JPH1: variants seen among roughly 807,000 people sequenced by gnomAD.
JPH1 encodes junctophilin-1.
Under a neutral mutation model 53.6 loss-of-function variants are expected in JPH1, and 12 were observed. The observed-to-expected ratio is 0.22, with a 90% CI of 0.14 to 0.36. The LOEUF is 0.36. JPH1 is among the 10% of genes least tolerant of loss of function. The pLI, the probability that JPH1 is intolerant of heterozygous loss-of-function variation, is 1.00. For synonymous variants in JPH1, 375 were observed against 363.8 expected, an observed-to-expected ratio of 1.03 and a Z score of -0.35; for missense variants, 808 against 905.5, an observed-to-expected ratio of 0.89 and a Z score of 1.38.
intron 2 of JPH1, among the ~76,000 whole-genome samples, chr8:74,305,190 A>G (rs1055778946): frequency 6.6e-5 from 10 of 152,248 alleles, no homozygotes; most frequent in Admixed American, 6.5e-4. Flanking sequence ...TAGTCTTGCA[A>G]GCGTCCAGTT....
rs1805929921 is a variant in JPH1 at position 74,248,438 on chromosome 8, A to G, written c.1259-3263T>C. On this transcript the variant is annotated intron_variant, in intron 3 of 5. Coordinates refer to ENST00000342232, the MANE Select transcript of JPH1 (RefSeq NM_020647.4). ...TGGCCAGATATTTTAATAAGTATGA[A>G]TTGAAGCCTAGAAATATTAATGTTT... 4.6e-5 allele frequency among the ~76,000 whole-genome samples: 7 copies of G among 152,350 alleles called. No individual in the cohort carries two copies. In the South Asian group the frequency reaches 1.4e-3, roughly 32 times the overall value.
intron 1 of JPH1, among the ~76,000 whole-genome samples, chr8:74,317,775 A>T (rs1032828628): frequency 1.3e-5 from 2 of 152,332 alleles, no homozygotes; most frequent in Admixed American, 1.3e-4. Context: ...CCATCTTGGT[A>T]AATGTTTAAC....
At chr8:74,287,798 T>C (rs987417189) in intron 2 of JPH1, among the ~76,000 whole-genome samples, 1 of 152,166 alleles carries the variant, frequency 6.6e-6, no homozygotes, top group Non-Finnish European at 1.5e-5. Context: ...TAACAAACAG[T>C]TGCATTCAAA....
intron 2 of JPH1, among the ~76,000 whole-genome samples, chr8:74,266,240 A>C (rs1457564752): frequency 1.3e-5 from 2 of 152,120 alleles, no homozygotes; most frequent in African/African-American, 4.8e-5. Context: ...TGAATGAATA[A>C]ACAAAATGTG....
chr8:74,243,209 T>C (rs1345956942), intron 4 of JPH1, among the ~76,000 whole-genome samples: 5 of 152,240 alleles, frequency 3.3e-5, no homozygotes, highest in Non-Finnish European at 4.4e-5. Context: ...CTATTACATT[T>C]AACAAATTCA....
intron 3 of JPH1, among the ~76,000 whole-genome samples, chr8:74,255,887 A>T (rs1806208020): frequency 6.6e-6 from 1 of 152,172 alleles, no homozygotes; most frequent in South Asian, 2.1e-4. Context: ...AAAAGTCAGG[A>T]GACAACAGGT....
intron 2 of JPH1, among the ~76,000 whole-genome samples, chr8:74,275,135 T>G (rs979015241): frequency 6.6e-6 from 1 of 152,104 alleles, no homozygotes; most frequent in African/African-American, 2.4e-5. Flanking sequence ...ATCTTAGAAA[T>G]GTTAAGTTAA....
At chr8:74,287,976 A>G (rs1032499348) in intron 2 of JPH1, among the ~76,000 whole-genome samples, 6 of 151,722 alleles carry the variant, frequency 4.0e-5, no homozygotes, top group Admixed American at 3.9e-4. Context: ...TTTTTCAGCT[A>G]GAAAACCCTT....
intron 2 of JPH1, 74 bp from the exon 3 acceptor site, chr8:74,259,577 T>A: frequency 9.2e-7 from 1 of 1,092,454 alleles, no homozygotes; most frequent in South Asian, 1.9e-5. Flanking sequence ...CAAATTGTAA[T>A]CTGGGAAAAG....
chr8:74,305,545 A>G (rs1165919728), intron 2 of JPH1, among the ~76,000 whole-genome samples: 1 of 152,226 alleles, frequency 6.6e-6, no homozygotes, highest in Non-Finnish European at 1.5e-5. Context: ...GGGCTAAATG[A>G]GCTGGAATCT....
rs1808099365 is a variant in JPH1 at position 74,314,956 on chromosome 8, T to C, written c.1044A>G (p.Arg348=). 9.9e-6 allele frequency: 16 copies of C among 1,614,128 alleles called. No individual in the cohort carries two copies. Among genetic ancestry groups the C allele is most frequent in the Admixed American group, 3.3e-5 (2 of 60,014 alleles). ...RGIRKQLIPI[R]HTKTREKVDR... ...CCACCTTCTCCCTAGTTTTTGTATG[T>C]CTTATTGGTATAAGCTGCTTCCTTA... The change falls in exon 2 of 6, where the codon AGA becomes AGG. Residue 348 remains arginine, a synonymous_variant. Coordinates refer to ENST00000342232, the MANE Select transcript of JPH1 (RefSeq NM_020647.4).
chr8:74,273,338 T>C (rs1002183908), intron 2 of JPH1, among the ~76,000 whole-genome samples: 1 of 152,204 alleles, frequency 6.6e-6, no homozygotes, highest in Admixed American at 6.5e-5. Flanking sequence ...CTTAGGAGTA[T>C]CTGAAAGTTT....
intron 4 of JPH1, among the ~76,000 whole-genome samples, chr8:74,239,865 A>G (rs1177237641): frequency 6.6e-6 from 1 of 152,224 alleles, no homozygotes; most frequent in Non-Finnish European, 1.5e-5. Flanking sequence ...TATATATGTG[A>G]TATTTTGATA....
chr8:74,244,264 T>C (rs1805782527), intron 4 of JPH1, among the ~76,000 whole-genome samples: 2 of 152,254 alleles, frequency 1.3e-5, no homozygotes, highest in South Asian at 2.1e-4. Context: ...TGTGCTAAGA[T>C]GCTGTGCTAA....
intron 3 of JPH1, among the ~76,000 whole-genome samples, chr8:74,258,676 GCTCTT>G (rs778892432): frequency 1.3e-5 from 2 of 152,090 alleles, no homozygotes; most frequent in Non-Finnish European, 2.9e-5. Flanking sequence ...GTACTGACTG[GCTCTT>G]CTCTTACTAC....
intron 4 of JPH1, among the ~76,000 whole-genome samples, chr8:74,243,779 T>C (rs1805765884): frequency 6.6e-6 from 1 of 152,224 alleles, no homozygotes; most frequent in South Asian, 2.1e-4. Flanking sequence ...AAAAATCTCC[T>C]TTTAAAGAAG....
chr8:74,273,397 A>G (rs1226235427), intron 2 of JPH1, among the ~76,000 whole-genome samples: 2 of 152,266 alleles, frequency 1.3e-5, no homozygotes, highest in Admixed American at 1.3e-4. Context: ...CTTATCCTCT[A>G]ATGTTTTTTG....
At chr8:74,306,096 C>T (rs1032333374) in intron 2 of JPH1, among the ~76,000 whole-genome samples, 3 of 152,148 alleles carry the variant, frequency 2.0e-5, no homozygotes, top group Non-Finnish European at 2.9e-5. Flanking sequence ...AAAGTGTTCC[C>T]ATGTTATGCG....
At chr8:74,307,846 A>T (rs1554541848) in intron 2 of JPH1, among the ~76,000 whole-genome samples, 2 of 152,226 alleles carry the variant, frequency 1.3e-5, no homozygotes, top group Non-Finnish European at 2.9e-5. Flanking sequence ...TAATTTAAGA[A>T]TTTCAAAGTC....
Sources: allele counts gnomAD v4.1 joint callset (sites outside exome capture counted in the v4.1 genomes callset), GRCh38; gene constraint gnomAD v4.1.1; transcripts MANE v1.5; gene names NCBI Gene and HGNC (gene_info 2026-07-23, HGNC 2026-07-21).